The following EYA2 variants were observed in gnomAD, a reference collection of about 807,000 sequenced individuals.
EYA2 encodes the protein EYA transcriptional coactivator and phosphatase 2, also known as protein phosphatase EYA2.
Under a neutral mutation model 69.2 loss-of-function variants are expected in EYA2, and 31 were observed. The observed-to-expected ratio is 0.45, with a 90% CI of 0.34 to 0.60. The LOEUF (loss-of-function observed/expected upper bound fraction) is 0.60, where lower values mean the gene tolerates loss of function less well. EYA2 is among the 20% of genes least tolerant of loss of function. EYA2 has a pLI of 0.02. For missense variants in EYA2, 622 were observed against 701.2 expected, an observed-to-expected ratio of 0.89 and a Z score of 1.28; for synonymous variants, 257 against 279.4, an observed-to-expected ratio of 0.92 and a Z score of 0.80.
intron 10 of EYA2, among the ~76,000 whole-genome samples, chr20:47,156,125 CACATATATATATATATATATAT>C (rs1205426125): frequency 5.0e-3 from 110 of 22,074 alleles, no homozygotes; most frequent in African/African-American, 0.013. Flanking sequence ...CACACACACA[CACATATATATATATATATATAT>C]ATATATATAT....
At chr20:46,924,743 C>G (rs1220354069) in intron 1 of EYA2, among the ~76,000 whole-genome samples, 2 of 150,780 alleles carry the variant, frequency 1.3e-5, no homozygotes, top group African/African-American at 4.9e-5. Flanking sequence ...AGAATAAACC[C>G]TTCTCTATCA....
chr20:46,923,571 G>A (rs984627380), intron 1 of EYA2, among the ~76,000 whole-genome samples: 26 of 152,282 alleles, frequency 1.7e-4, no homozygotes, highest in African/African-American at 5.3e-4. Flanking sequence ...GTAATAAACC[G>A]GAGATTCTAT....
At chr20:47,173,359 A>T (rs1425822264) in intron 12 of EYA2, among the ~76,000 whole-genome samples, 1 of 151,700 alleles carries the variant, frequency 6.6e-6, no homozygotes, top group Non-Finnish European at 1.5e-5. Flanking sequence ...CTGTGCCTTG[A>T]GTCTTTGCAT....
chr20:47,105,350 C>T lies in EYA2; in HGVS notation c.888+8182C>T, dbSNP rs567352950. On this transcript the variant is annotated intron_variant, in intron 9 of 15. Transcript: ENST00000327619. The stretch of plus-strand genomic sequence containing the variant: ...TTCACGAATCTGCCCAGTGGCTGGG[C>T]GTGGTGGCCCATGCCTGTAATCCCA... Among the ~76,000 whole-genome samples the T allele has an allele frequency of 1.7e-3, 256 of 152,000 alleles. 2 individuals carry two copies. The highest frequency in any genetic ancestry group is 5.8e-3 in the African/African-American group (241 of 41,536).
At position 47,019,781 on chromosome 20, in the gene EYA2, G is replaced by A. The variant is rs533039474; in HGVS notation, c.415+3484G>A. Reference sequence around the variant, plus strand: ...GTCCAGGAGTTCAAGACCAGCCTGGGAAACCTGGTGAAACCCATCTCTACA... The same window carrying A: ...GTCCAGGAGTTCAAGACCAGCCTGGAAAACCTGGTGAAACCCATCTCTACA... On this transcript the variant is annotated intron_variant, in intron 5 of 15. Transcript: ENST00000327619. Among the ~76,000 whole-genome samples the A allele has an allele frequency of 3.4e-5, 5 of 147,842 alleles. No homozygotes were observed. The South Asian group carries it at 1.1e-3, about 32-fold the overall frequency.
intron 4 of EYA2, among the ~76,000 whole-genome samples, chr20:47,008,442 C>T (rs920327155): frequency 6.6e-6 from 1 of 152,192 alleles, no homozygotes; most frequent in African/African-American, 2.4e-5. Context: ...CAGACCTTGG[C>T]CAACAGGTGT....
In EYA2 at chr20:47,097,162, C is replaced by A; in HGVS notation, c.882C>A (p.Tyr294Ter). 6.2e-7 allele frequency: 1 copy of A among 1,607,870 alleles called. No individual in the cohort carries two copies. Among genetic ancestry groups the A allele is most frequent in the East Asian group, 2.2e-5 (1 of 44,632 alleles). ...TCACGGGGACATTTGCATCCAGATACGGGAAGGTAAGAATCCATTTTGTCT... is the reference window on the plus strand; with the variant it reads ...TCACGGGGACATTTGCATCCAGATAAGGGAAGGTAAGAATCCATTTTGTCT... ...SLLTGTFASR[Y>*]GKDTTTSVRI... The change falls in exon 9 of 16, where the codon TAC (tyrosine) becomes TAA (stop). Residue 294 changes from tyrosine (Y) to a stop codon, truncating the protein, a stop_gained. Transcript: ENST00000327619. LOFTEE classifies it high-confidence loss of function.
At chr20:47,003,974 C>T (rs1419828159) in intron 3 of EYA2, among the ~76,000 whole-genome samples, 2 of 152,172 alleles carry the variant, frequency 1.3e-5, no homozygotes, top group South Asian at 2.1e-4. Flanking sequence ...ATGTACATAC[C>T]AGGTGCATGT....
chr20:47,074,335 G>C lies in EYA2; in HGVS notation c.661G>C (p.Gly221Arg), dbSNP rs1384414766. Residue 221 changes from glycine to arginine, a missense_variant and splice_region_variant, in exon 7 of 16, where the codon GGT becomes CGT. Around this residue, in one of 2 missense-constraint regions of EYA2, gnomAD observed 365 missense variants for 349.7 expected, o/e 1.04. Transcript: ENST00000327619. ...VPNQSSESLA[G>R]EYNTHNGPST... The stretch of plus-strand genomic sequence containing the variant: ...CAACCAGAGTTCCGAGTCACTTGCT[G>C]GTAGGTGCAGTCACTGGTGGGGCCA... The C allele has an allele frequency of 6.2e-7, 1 of 1,613,780 alleles. No individual in the cohort carries two copies.
At position 47,067,686 on chromosome 20, in the gene EYA2, A is replaced by T. The variant is rs537045497; in HGVS notation, c.416-4499A>T. On this transcript the variant is annotated intron_variant, in intron 5 of 15. Transcript: ENST00000327619. ...ACCACATAGAGAGGAACTATCTTAA[A>T]TGACTTTATTTACACATATTTTTAT... 6.6e-5 allele frequency among the ~76,000 whole-genome samples: 10 copies of T among 152,328 alleles called. No individual in the cohort carries two copies. In the South Asian group the frequency reaches 1.2e-3, roughly 19 times the overall value.
chr20:47,180,923 T>C lies in EYA2; in HGVS notation c.1422T>C (p.Ser474=). 1 of 1,614,036 alleles carries C rather than the reference T, an allele frequency of 6.2e-7. No individual in the cohort carries two copies. The highest frequency in any genetic ancestry group is 8.5e-7 in the Non-Finnish European group (1 of 1,179,976). The change falls in exon 14 of 16, where the codon AGT becomes AGC. Residue 474 remains serine (S), a synonymous_variant. Coordinates refer to ENST00000327619, the MANE Select transcript of EYA2 (RefSeq NM_005244.5). The stretch of plus-strand genomic sequence containing the variant: ...TGTTTCCTATTGAGAACATCTACAG[T>C]GCAACCAAGACAGGTAGGGAGAAGC... The part of the protein sequence containing the change: ...GSVFPIENIY[S]ATKTGKESCF...
intron 1 of EYA2, among the ~76,000 whole-genome samples, chr20:46,968,907 T>C (rs6066141): frequency 0.22 from 33,113 of 152,160 alleles, 3,920 homozygotes; most frequent in Non-Finnish European, 0.27. Context: ...TTCTGTAAAA[T>C]GAGGGGACAG....
At chr20:47,160,430 G>A (rs2034040649) in intron 10 of EYA2, among the ~76,000 whole-genome samples, 2 of 152,162 alleles carry the variant, frequency 1.3e-5, no homozygotes, top group Non-Finnish European at 2.9e-5. Context: ...TGGCCCCTGG[G>A]TTATAGCTTA....
chr20:47,009,606 T>A (rs919994078), intron 4 of EYA2, among the ~76,000 whole-genome samples: 1 of 152,208 alleles, frequency 6.6e-6, no homozygotes, highest in Non-Finnish European at 1.5e-5. Context: ...ATCATTCCCC[T>A]GCATTTTTTT....
At chr20:47,012,567 C>G (rs1856845) in intron 4 of EYA2, among the ~76,000 whole-genome samples, 25,110 of 152,236 alleles carry the variant, frequency 0.16, 2,584 homozygotes, top group South Asian at 0.26. Context: ...GATCTTGGCT[C>G]ACTGCAACCT....
chr20:47,096,277 A>G (rs1211727038), intron 8 of EYA2, among the ~76,000 whole-genome samples: 2 of 152,218 alleles, frequency 1.3e-5, no homozygotes, highest in South Asian at 4.1e-4. Context: ...GTGAACAATA[A>G]TCACAAAATG....
At chr20:46,991,317 T>C (rs1981646284) in intron 2 of EYA2, among the ~76,000 whole-genome samples, 1 of 152,234 alleles carries the variant, frequency 6.6e-6, no homozygotes, top group African/African-American at 2.4e-5. Flanking sequence ...CTCAGCCAAA[T>C]GATCTCAGGC....
intron 1 of EYA2, among the ~76,000 whole-genome samples, chr20:46,910,495 T>C (rs1395449501): frequency 1.3e-5 from 2 of 152,186 alleles, no homozygotes; most frequent in Non-Finnish European, 2.9e-5. Flanking sequence ...TTTCATGGTC[T>C]CTGGTACAAA....
At chr20:46,977,113 TAAC>T (rs1215365868) in intron 1 of EYA2, among the ~76,000 whole-genome samples, 1 of 152,232 alleles carries the variant, frequency 6.6e-6, no homozygotes, top group South Asian at 2.1e-4. Context: ...TCAATAGCGA[TAAC>T]AACACATTCA....
Sources: gnomAD v4.1 joint callset for allele counts (sites outside exome capture counted in the v4.1 genomes callset) on GRCh38, gnomAD v4.1.1 for gene constraint, gnomAD v4.1.1 regional missense constraint, MANE v1.5 for transcripts, NCBI Gene and HGNC (gene_info 2026-07-23, HGNC 2026-07-21) for gene names.